The following XPO7 variants were observed in gnomAD, a reference collection of about 807,000 sequenced individuals.
XPO7 encodes exportin-7.
A neutral mutation model predicts 144.3 loss-of-function variants in XPO7; 21 were observed. The ratio of observed to expected loss-of-function variants is 0.15; its 90% confidence interval spans 0.10 to 0.21. The LOEUF (loss-of-function observed/expected upper bound fraction) is 0.21, where lower values mean the gene tolerates loss of function less well. Ranked by LOEUF, XPO7 falls within the 10% of genes least tolerant of loss-of-function variation. The pLI, the probability that XPO7 is intolerant of heterozygous loss-of-function variation, is 1.00. For missense variants in XPO7, 808 were observed against 1,325.8 expected (o/e 0.61, Z 6.06); for synonymous variants, 580 against 499.6 (o/e 1.16, Z -2.15).
At chr8:21,984,902 C>T (rs568797047) in intron 12 of XPO7, 63 bp downstream of exon 12, 1 of 1,538,176 alleles carries the variant, frequency 6.5e-7, no homozygotes, top group South Asian at 1.2e-5. Context: ...TACCCCTTCG[C>T]TCATTGCCAC....
chr8:21,931,185 C>G (rs1167729182), intron 1 of XPO7, among the ~76,000 whole-genome samples: 1 of 149,512 alleles, frequency 6.7e-6, no homozygotes, highest in East Asian at 2.0e-4. Flanking sequence ...TTTTTTTAGA[C>G]AGAGTCTCGC....
intron 1 of XPO7, among the ~76,000 whole-genome samples, chr8:21,922,810 C>A (rs1487008826): frequency 6.6e-6 from 1 of 152,088 alleles, no homozygotes; most frequent in African/African-American, 2.4e-5. Flanking sequence ...GGAATTACTA[C>A]GTTGTTGTGT....
chr8:21,953,023 C>T (rs866447904), intron 1 of XPO7, among the ~76,000 whole-genome samples: 1 of 151,142 alleles, frequency 6.6e-6, no homozygotes, highest in African/African-American at 2.4e-5. Context: ...CCCTCCCCCT[C>T]TCTCCCCACC....
chr8:21,958,227 G>C (rs1454355070), intron 1 of XPO7, among the ~76,000 whole-genome samples: 1 of 151,866 alleles, frequency 6.6e-6, no homozygotes, highest in Non-Finnish European at 1.5e-5. Flanking sequence ...ATTATTCCTT[G>C]TTGTCATGTT....
chr8:21,960,658 A>G (rs951243407), intron 1 of XPO7, among the ~76,000 whole-genome samples: 9 of 152,252 alleles, frequency 5.9e-5, no homozygotes, highest in African/African-American at 2.2e-4. Context: ...GCATAGCATT[A>G]TCACTTGCTG....
chr8:21,988,114 CT>C (rs1812641375), intron 15 of XPO7, among the ~76,000 whole-genome samples: 1 of 152,204 alleles, frequency 6.6e-6, no homozygotes, highest in Non-Finnish European at 1.5e-5. Context: ...ACAGGTGAAA[CT>C]CTGTCATGTC....
At chr8:21,984,198 A>G (rs1157810625) in intron 11 of XPO7, among the ~76,000 whole-genome samples, 2 of 152,126 alleles carry the variant, frequency 1.3e-5, no homozygotes, top group Non-Finnish European at 2.9e-5. Flanking sequence ...TTTATATGAT[A>G]TGGTAGAAGC....
Position 21,999,218 on chromosome 8 carries a change from C to T in XPO7, c.2556C>T (p.Val852=). 1 of 1,613,986 alleles carries T rather than the reference C, an allele frequency of 6.2e-7. No homozygotes were observed. Among genetic ancestry groups the T allele is most frequent in the East Asian group, 2.2e-5 (1 of 44,880 alleles). The change falls in exon 23 of 28, where the codon GTC becomes GTT. Residue 852 remains valine (V), a synonymous_variant. Transcript: ENST00000252512. ...ALSGSYVNFG[V]FRLYGDDALD... is the part of the protein sequence containing the mutation. ...GTGGGAGTTACGTCAATTTCGGAGT[C>T]TTTCGTCTCTATGGAGACGATGCCC...
At chr8:21,979,333 C>T (rs1227187155) in intron 8 of XPO7, among the ~76,000 whole-genome samples, 1 of 152,032 alleles carries the variant, frequency 6.6e-6, no homozygotes, top group Non-Finnish European at 1.5e-5. Flanking sequence ...GCGTGAGCCA[C>T]CACACCTGGC....
At chr8:22,003,654 G>T (rs1253525915) in intron 26 of XPO7, among the ~76,000 whole-genome samples, 2 of 152,068 alleles carry the variant, frequency 1.3e-5, no homozygotes, top group African/African-American at 4.8e-5. Flanking sequence ...TTGAGATTCT[G>T]GTAAAAGAAA....
At chr8:21,981,332 A>T (rs2117356694) in intron 9 of XPO7, among the ~76,000 whole-genome samples, 1 of 152,354 alleles carries the variant, frequency 6.6e-6, no homozygotes, top group African/African-American at 2.4e-5. Flanking sequence ...ACAGACGTGG[A>T]AATGAAAATT....
chr8:21,967,455 C>G (rs1437676870), intron 2 of XPO7, among the ~76,000 whole-genome samples: 1 of 152,070 alleles, frequency 6.6e-6, no homozygotes, highest in Non-Finnish European at 1.5e-5. Context: ...CTCAGCCTCC[C>G]GAGTAGCTGG....
rs75264141 is a variant in XPO7, at chr8:21,969,527, T to G, written c.210T>G (p.Leu70=). The G allele has an allele frequency of 6.2e-7, 1 of 1,613,848 alleles. No homozygotes were observed. The highest frequency in any genetic ancestry group is 1.7e-5 in the Admixed American group (1 of 60,006). ...TGGCAGCTACATGCCTTACCAAGCT[T>G]GTATCACGCACAAACAACCCCCTAC... is the stretch of plus-strand genomic sequence containing the variant. The part of the protein sequence containing the change: ...QLLAATCLTK[L]VSRTNNPLPL... The change falls in exon 3 of 28, where the codon CTT becomes CTG. Residue 70 remains leucine (L), a synonymous_variant. Transcript: ENST00000252512.
intron 1 of XPO7, among the ~76,000 whole-genome samples, chr8:21,940,749 A>C (rs900700620): frequency 6.6e-6 from 1 of 152,126 alleles, no homozygotes; most frequent in Non-Finnish European, 1.5e-5. Context: ...GACTACAGGC[A>C]TGAGCCACCG....
intron 1 of XPO7, among the ~76,000 whole-genome samples, chr8:21,951,082 C>T (rs887525558): frequency 2.0e-5 from 3 of 151,620 alleles, no homozygotes; most frequent in Non-Finnish European, 2.9e-5. Flanking sequence ...GGCGACAGAG[C>T]GAGTAAATTT....
intron 1 of XPO7, among the ~76,000 whole-genome samples, chr8:21,962,263 C>G (rs930159195): frequency 2.6e-5 from 4 of 152,204 alleles, no homozygotes; most frequent in African/African-American, 9.6e-5. Context: ...ACTTTGGCCA[C>G]CACGATTGCC....
At chr8:21,991,735 A>T (rs927537910) in intron 18 of XPO7, 133 bp from the exon 19 acceptor site, 6 of 579,242 alleles carry the variant, frequency 1.0e-5, no homozygotes, top group Non-Finnish European at 1.2e-5. Flanking sequence ...CATTGCTACT[A>T]ATACCTGTTG....
chr8:21,959,982 G>C (rs962321825), intron 1 of XPO7, among the ~76,000 whole-genome samples: 6 of 152,166 alleles, frequency 3.9e-5, no homozygotes, highest in Non-Finnish European at 7.3e-5. Context: ...CCAAAGTTCA[G>C]CCCAAATCTG....
At chr8:21,989,713 C>T (rs1400181207) in intron 16 of XPO7, among the ~76,000 whole-genome samples, 1 of 151,618 alleles carries the variant, frequency 6.6e-6, no homozygotes, top group Non-Finnish European at 1.5e-5. Flanking sequence ...CTAATTCTCC[C>T]TTGGAACCCC....
Sources: gnomAD v4.1 joint callset for allele counts (sites outside exome capture counted in the v4.1 genomes callset) on GRCh38, gnomAD v4.1.1 for gene constraint, MANE v1.5 for transcripts, NCBI Gene and HGNC (gene_info 2026-07-23, HGNC 2026-07-21) for gene names.